Variants in IGSF21 observed in about 807,000 individuals in gnomAD.
The protein encoded by IGSF21 is immunoglobulin superfamily member 21.
A neutral mutation model predicts 46.8 loss-of-function variants in IGSF21; 28 were observed. The observed-to-expected ratio is 0.60, with a 90% CI of 0.44 to 0.82. IGSF21 has a LOEUF of 0.82. Ranked by LOEUF, IGSF21 falls within the 40% of genes least tolerant of loss-of-function variation. The pLI, the probability that IGSF21 is intolerant of heterozygous loss-of-function variation, is 0.00. For synonymous variants in IGSF21, 284 were observed against 273.6 expected (o/e 1.04, Z -0.38); for missense variants, 624 against 665.5 (o/e 0.94, Z 0.69).
intron 1 of IGSF21, among the ~76,000 whole-genome samples, chr1:18,147,911 C>A (rs2086484884): frequency 6.6e-6 from 1 of 152,006 alleles, no homozygotes; most frequent in Non-Finnish European, 1.5e-5. Context: ...GTGGGTCTTT[C>A]CTGTGCTGTT....
At chr1:18,341,020 CTTCTTCTTCTTCTTCTTCTTCTT>C (rs2085831426) in intron 4 of IGSF21, among the ~76,000 whole-genome samples, 1 of 96,092 alleles carries the variant, frequency 1.0e-5, no homozygotes, top group South Asian at 5.1e-4. Flanking sequence ...TTCTCTTCTT[CTTCTTCTTCTTCTTCTTCTTCTT>C]CCTCTTCCTC....
intron 1 of IGSF21, among the ~76,000 whole-genome samples, chr1:18,132,933 C>T (rs759182633): frequency 1.3e-4 from 20 of 151,950 alleles, no homozygotes; most frequent in Non-Finnish European, 2.6e-4. Flanking sequence ...AGGGAGGGGA[C>T]GGAGACAGGG....
Position 18,251,801 on chromosome 1 carries a change from G to C in IGSF21, c.183+23791G>C, listed in dbSNP as rs180848187. Among the ~76,000 whole-genome samples, 681 of 152,216 alleles carry C rather than the reference G, an allele frequency of 4.5e-3. 5 individuals carry two copies. Among genetic ancestry groups the C allele is most frequent in the Non-Finnish European group, 5.7e-3 (385 of 68,006 alleles). On this transcript the variant is annotated intron_variant, in intron 2 of 9. Coordinates refer to ENST00000251296, the MANE Select transcript of IGSF21 (RefSeq NM_032880.5). Reference sequence around the variant, plus strand: ...AGGCTCTCCTAGTCTTCCTGATGAGGGATGATGGTGGCCTGCATGTGAGAA... The same window carrying C: ...AGGCTCTCCTAGTCTTCCTGATGAGCGATGATGGTGGCCTGCATGTGAGAA...
At chr1:18,150,468 G>T (rs572260153) in intron 1 of IGSF21, among the ~76,000 whole-genome samples, 1 of 152,252 alleles carries the variant, frequency 6.6e-6, no homozygotes, top group South Asian at 2.1e-4. Context: ...CCTGCCGTGT[G>T]CAGTCACTGT....
chr1:18,286,998 G>A (rs1227467870), intron 2 of IGSF21, among the ~76,000 whole-genome samples: 1 of 151,554 alleles, frequency 6.6e-6, no homozygotes, highest in Non-Finnish European at 1.5e-5. Flanking sequence ...CGGCTAAAAC[G>A]GTGAAACCCC....
chr1:18,376,490 C>T, intron 7 of IGSF21, 95 bp downstream of exon 7: 3 of 933,848 alleles, frequency 3.2e-6, no homozygotes, highest in South Asian at 1.3e-5. Flanking sequence ...TAACACTCTT[C>T]CTTTGATCCC....
At chr1:18,351,130 G>A (rs963847684) in intron 4 of IGSF21, among the ~76,000 whole-genome samples, 17 of 152,062 alleles carry the variant, frequency 1.1e-4, no homozygotes, top group South Asian at 8.3e-4. Context: ...GAAAGTCCAC[G>A]GCAACGCTGA....
At chr1:18,277,510 T>A (rs2085113526) in intron 2 of IGSF21, among the ~76,000 whole-genome samples, 3 of 152,110 alleles carry the variant, frequency 2.0e-5, no homozygotes, top group Admixed American at 2.0e-4. Flanking sequence ...TGACCCTTTG[T>A]CAAACAAAGC....
At chr1:18,158,509 C>T (rs964291343) in intron 1 of IGSF21, among the ~76,000 whole-genome samples, 15 of 152,134 alleles carry the variant, frequency 9.9e-5, no homozygotes, top group Admixed American at 6.5e-4. Flanking sequence ...CACCCAGGCC[C>T]GGGTGTCTGC....
intron 4 of IGSF21, among the ~76,000 whole-genome samples, chr1:18,351,631 T>TACCTGCCTCCCC (rs1315451494): frequency 6.6e-6 from 1 of 152,184 alleles, no homozygotes; most frequent in Non-Finnish European, 1.5e-5. Context: ...TGTGCCTCCC[T>TACCTGCCTCCCC]ACCTGCCTCC....
chr1:18,299,102 G>A (rs899833455), intron 3 of IGSF21, among the ~76,000 whole-genome samples: 1 of 152,234 alleles, frequency 6.6e-6, no homozygotes, highest in African/African-American at 2.4e-5. Context: ...CATTTGAAGT[G>A]GTTCTAGAGG....
intron 2 of IGSF21, among the ~76,000 whole-genome samples, chr1:18,240,911 A>G (rs954403187): frequency 7.2e-5 from 11 of 152,218 alleles, no homozygotes; most frequent in African/African-American, 2.2e-4. Context: ...TGATATCATG[A>G]CAAGGGGTAA....
At chr1:18,152,903 A>G (rs1433191846) in intron 1 of IGSF21, among the ~76,000 whole-genome samples, 1 of 152,146 alleles carries the variant, frequency 6.6e-6, no homozygotes, top group Non-Finnish European at 1.5e-5. Context: ...GTTTCCTTGG[A>G]ATAGGAATAT....
intron 4 of IGSF21, among the ~76,000 whole-genome samples, chr1:18,342,419 T>C (rs1189759514): frequency 6.6e-6 from 1 of 152,238 alleles, no homozygotes; most frequent in Non-Finnish European, 1.5e-5. Flanking sequence ...AATATGGTTT[T>C]ATTGAGATAC....
intron 1 of IGSF21, among the ~76,000 whole-genome samples, chr1:18,168,683 C>G (rs553839980): frequency 6.6e-6 from 1 of 152,310 alleles, no homozygotes; most frequent in South Asian, 2.1e-4. Flanking sequence ...GCTCCCTATC[C>G]GAATTAACCT....
At chr1:18,258,248 T>C (rs570942893) in intron 2 of IGSF21, among the ~76,000 whole-genome samples, 31 of 152,310 alleles carry the variant, frequency 2.0e-4, no homozygotes, top group African/African-American at 7.5e-4. Context: ...AGATCTCTTC[T>C]AGGGGGTGTT....
chr1:18,359,034 TG>T (rs2086054620), intron 4 of IGSF21, among the ~76,000 whole-genome samples: 4 of 152,116 alleles, frequency 2.6e-5, no homozygotes, highest in Admixed American at 2.6e-4. Flanking sequence ...GAGGCTAAGT[TG>T]GGAGGATCGT....
At chr1:18,167,180 G>A (rs1385013807) in intron 1 of IGSF21, among the ~76,000 whole-genome samples, 2 of 152,192 alleles carry the variant, frequency 1.3e-5, no homozygotes, top group Non-Finnish European at 2.9e-5. Context: ...TGCTGGCACG[G>A]ATCGCAGAGG....
chr1:18,346,524 G>A (rs937783073), intron 4 of IGSF21, among the ~76,000 whole-genome samples: 1 of 152,022 alleles, frequency 6.6e-6, no homozygotes, highest in African/African-American at 2.4e-5. Flanking sequence ...GACATAAGAG[G>A]CCTTTCCAAG....
Sources: allele counts gnomAD v4.1 joint callset (sites outside exome capture counted in the v4.1 genomes callset), GRCh38; gene constraint gnomAD v4.1.1; transcripts MANE v1.5; gene names NCBI Gene and HGNC (gene_info 2026-07-23, HGNC 2026-07-21).